Variants in TET1 observed in about 807,000 individuals in gnomAD.
TET1 encodes methylcytosine dioxygenase TET1.
A neutral mutation model predicts 148.7 loss-of-function variants in TET1; 13 were observed. That is an observed-to-expected ratio of 0.09 (90% confidence interval 0.06 to 0.14). TET1 has a LOEUF of 0.14. Ranked by LOEUF, TET1 falls within the 10% of genes least tolerant of loss-of-function variation. TET1 has a pLI of 1.00. For missense variants in TET1, 2,182 were observed against 2,553.8 expected, an observed-to-expected ratio of 0.85 and a Z score of 3.14; for synonymous variants, 907 against 937.2, an observed-to-expected ratio of 0.97 and a Z score of 0.59.
intron 3 of TET1, among the ~76,000 whole-genome samples, chr10:68,633,586 T>C (rs145356696): frequency 2.7e-4 from 41 of 152,184 alleles, no homozygotes; most frequent in Admixed American, 2.6e-3. Context: ...ACTGCGGTTT[T>C]TGCCATTACT....
At chr10:68,655,544 A>G (rs1414729196) in intron 6 of TET1, among the ~76,000 whole-genome samples, 1 of 152,156 alleles carries the variant, frequency 6.6e-6, no homozygotes, top group East Asian at 1.9e-4. Flanking sequence ...AAAAGAGAGA[A>G]ATGTAACTAG....
chr10:68,564,014 G>T (rs1188172808), intron 1 of TET1, among the ~76,000 whole-genome samples: 3 of 152,108 alleles, frequency 2.0e-5, no homozygotes, highest in Non-Finnish European at 4.4e-5. Flanking sequence ...ACTTTAAGAA[G>T]CCAGCTTTTC....
At chr10:68,603,268 C>T (rs2054081549) in intron 3 of TET1, among the ~76,000 whole-genome samples, 1 of 152,194 alleles carries the variant, frequency 6.6e-6, no homozygotes. Context: ...TACCCTTTGT[C>T]AGGGTGGATG....
intron 2 of TET1, among the ~76,000 whole-genome samples, chr10:68,586,535 A>G (rs1589054136): frequency 7.3e-6 from 1 of 136,186 alleles, no homozygotes; most frequent in South Asian, 2.3e-4. Flanking sequence ...TGATCTCACT[A>G]TGTTGCCCAG....
At chr10:68,584,601 A>C (rs907042496) in intron 2 of TET1, among the ~76,000 whole-genome samples, 12 of 149,680 alleles carry the variant, frequency 8.0e-5, no homozygotes, top group Admixed American at 5.3e-4. Context: ...CCCAGCTATG[A>C]GGGAGGCTGA....
rs749056442 is a variant in TET1, at chr10:68,691,382, T to C, written c.5979T>C (p.Tyr1993=). Residue 1993 remains tyrosine (Y), a synonymous_variant, in exon 12 of 12, where the codon TAT becomes TAC. Coordinates refer to ENST00000373644, the MANE Select transcript of TET1 (RefSeq NM_030625.3). This position sits in a 1 kb window ranked among gnomAD's most constrained non-coding sequence, Gnocchi z 4.4. ...AEEKLPHIDE[Y]WSDSEHIFLD... is the part of the protein sequence containing the mutation. ...AGAAATTGCCCCACATTGATGAGTA[T>C]TGGTCAGACAGTGAGCACATCTTTT... 7 of 1,614,160 alleles carry C rather than the reference T, an allele frequency of 4.3e-6. No individual in the cohort carries two copies. In the South Asian group the frequency reaches 7.7e-5, roughly 18 times the overall value.
chr10:68,614,771 T>G (rs2054264598), intron 3 of TET1, among the ~76,000 whole-genome samples: 2 of 152,042 alleles, frequency 1.3e-5, no homozygotes, highest in Non-Finnish European at 2.9e-5. Flanking sequence ...ATTTTGTATA[T>G]TTTATAGAGA....
chr10:68,669,474 C>CTTTTTTTT (rs3085667), intron 7 of TET1, among the ~76,000 whole-genome samples: 7 of 61,604 alleles, frequency 1.1e-4, no homozygotes, highest in Non-Finnish European at 2.0e-4. Flanking sequence ...CCATGCCCAG[C>CTTTTTTTT]TTTTTTTTTT....
At position 68,669,798 on chromosome 10, in the gene TET1, C is replaced by T. The variant is rs182506711; in HGVS notation, c.4673+2542C>T. ...CCAAGTACCTGGGATTACAGGCGCC[C>T]GCCACCACGTCCAGCTAATTTTTGT... On this transcript the variant is annotated intron_variant, in intron 7 of 11. Transcript: ENST00000373644. 4.4e-3 allele frequency among the ~76,000 whole-genome samples: 669 copies of T among 150,682 alleles called. 4 individuals carry two copies. The highest frequency in any genetic ancestry group is 0.016 in the African/African-American group (651 of 41,002).
intron 6 of TET1, among the ~76,000 whole-genome samples, chr10:68,657,637 A>C (rs1361598452): frequency 1.3e-5 from 2 of 152,198 alleles, no homozygotes; most frequent in Non-Finnish European, 2.9e-5. Flanking sequence ...GCCTACAGAG[A>C]GAAAAGAAAG....
chr10:68,572,774 C>T lies in TET1; in HGVS notation c.436C>T (p.Pro146Ser), dbSNP rs774343833. 1 of 1,614,142 alleles carries T rather than the reference C, an allele frequency of 6.2e-7. No individual in the cohort carries two copies. Among genetic ancestry groups the T allele is most frequent in the Non-Finnish European group, 8.5e-7 (1 of 1,180,030 alleles). ...ACATGATTGTGATTATAAGATACTCCCTGCTTTGGGAGTAAAGCACTCAGA... is the reference window on the plus strand; with the variant it reads ...ACATGATTGTGATTATAAGATACTCTCTGCTTTGGGAGTAAAGCACTCAGA... ...KQHDCDYKIL[P>S]ALGVKHSEND... The change falls in exon 2 of 12, where the codon CCT becomes TCT. Residue 146 changes from proline to serine, a missense_variant. By Grantham distance (74) the Pro-to-Ser change is moderately conservative. Transcript: ENST00000373644.
chr10:68,641,963 T>A (rs1393237280), intron 3 of TET1, among the ~76,000 whole-genome samples: 1 of 152,196 alleles, frequency 6.6e-6, no homozygotes, highest in Non-Finnish European at 1.5e-5. Context: ...TGCATGCGGC[T>A]CTTTGTTTTT....
chr10:68,601,186 CTCTT>C, intron 3 of TET1, 152 bp downstream of exon 3: 1 of 656,518 alleles, frequency 1.5e-6, no homozygotes, highest in South Asian at 2.2e-5. Flanking sequence ...TGTTTTCTCT[CTCTT>C]TTTTTTGATG....
At chr10:68,580,313 ATTTTTTTTTT>A (rs1163318028) in intron 2 of TET1, among the ~76,000 whole-genome samples, 1 of 60,400 alleles carries the variant, frequency 1.7e-5, no homozygotes, top group Non-Finnish European at 2.9e-5. Flanking sequence ...ATTATATTCA[ATTTTTTTTTT>A]TTTTTTTTTT....
At chr10:68,594,552 G>T (rs771041744) in intron 2 of TET1, among the ~76,000 whole-genome samples, 1 of 152,138 alleles carries the variant, frequency 6.6e-6, no homozygotes, top group African/African-American at 2.4e-5. Flanking sequence ...GATCCAGCAG[G>T]AAAGGCTCTT....
intron 2 of TET1, among the ~76,000 whole-genome samples, chr10:68,582,741 A>G (rs1189118329): frequency 1.3e-5 from 2 of 152,060 alleles, no homozygotes; most frequent in African/African-American, 2.4e-5. Context: ...ATTATGGCAT[A>G]TGTTACATAT....
At position 68,573,371 on chromosome 10, in the gene TET1, C is replaced by T. The variant is rs776190993; in HGVS notation, c.1033C>T (p.His345Tyr). Reference protein sequence around the residue: ...KQATLGAKPDHQEAFEATANQ... With the variant: ...KQATLGAKPDYQEAFEATANQ... ...AGCGACCCTTGGTGCTAAACCAGAT[C>T]ATCAAGAGGCCTTCGAAGCTACTGC... is the stretch of plus-strand genomic sequence containing the variant. The change falls in exon 2 of 12, where the codon CAT becomes TAT. Residue 345 changes from histidine to tyrosine, a missense_variant. By Grantham distance (83) the His-to-Tyr change is moderately conservative (BLOSUM62 2). This residue lies in a region of TET1 where 665 missense variants were observed against 672.4 expected (regional missense o/e 0.99). Coordinates refer to ENST00000373644, the MANE Select transcript of TET1 (RefSeq NM_030625.3). The T allele has an allele frequency of 6.2e-7, 1 of 1,614,164 alleles. No individual in the cohort carries two copies. Among genetic ancestry groups the T allele is most frequent in the Non-Finnish European group, 8.5e-7 (1 of 1,180,030 alleles).
chr10:68,674,237 T>C (rs2055319640), intron 8 of TET1: 1 of 153,890 alleles, frequency 6.5e-6, no homozygotes. Flanking sequence ...GAGGCTGAGG[T>C]GGGAGGTTGG....
intron 6 of TET1, among the ~76,000 whole-genome samples, chr10:68,656,691 T>C (rs549736050): frequency 1.1e-3 from 175 of 152,320 alleles, no homozygotes; most frequent in Non-Finnish European, 2.1e-3. Context: ...TAAATTTGTG[T>C]TGAGTGAATG....
Sources: allele counts gnomAD v4.1 joint callset (sites outside exome capture counted in the v4.1 genomes callset), GRCh38; gene constraint gnomAD v4.1.1; regional missense constraint gnomAD v4.1.1; non-coding constraint Gnocchi (gnomAD v3.1); transcripts MANE v1.5; gene names NCBI Gene and HGNC (gene_info 2026-07-23, HGNC 2026-07-21).